TENM3: variants seen among roughly 807,000 people sequenced by gnomAD.
TENM3 encodes teneurin-3.
TENM3 carries 63 observed loss-of-function variants against 255.1 expected under a neutral mutation model. The observed-to-expected ratio is 0.25, with a 90% confidence interval of 0.20 to 0.30. The LOEUF is 0.30. Among genes scored for constraint, TENM3 ranks in the 10% least tolerant of loss-of-function variants. The pLI is 1.00. For synonymous variants in TENM3, 1,306 were observed against 1,322.3 expected, an observed-to-expected ratio of 0.99 and a Z score of 0.27; for missense variants, 2,929 against 3,461.1, an observed-to-expected ratio of 0.85 and a Z score of 3.86.
intron 3 of TENM3, among the ~76,000 whole-genome samples, chr4:182,528,664 G>A (rs1372189398): frequency 6.6e-6 from 1 of 152,144 alleles, no homozygotes; most frequent in Non-Finnish European, 1.5e-5. Flanking sequence ...GTATTACTAT[G>A]AATCACTCAG....
At chr4:182,662,551 A>G (rs1349840072) in intron 6 of TENM3, among the ~76,000 whole-genome samples, 4 of 152,158 alleles carry the variant, frequency 2.6e-5, no homozygotes, top group Non-Finnish European at 4.4e-5. Flanking sequence ...TAAAACCTAC[A>G]GACAACCTTA....
chr4:182,781,539 G>A (rs550028542), intron 24 of TENM3, among the ~76,000 whole-genome samples: 10,238 of 152,174 alleles, frequency 0.067, 483 homozygotes, highest in Middle Eastern at 0.13. Context: ...TCTCTGCCTG[G>A]CTTTGGTATC....
intron 3 of TENM3, among the ~76,000 whole-genome samples, chr4:182,363,520 A>G (rs1766184989): frequency 6.6e-6 from 1 of 152,056 alleles, no homozygotes; most frequent in African/African-American, 2.4e-5. Flanking sequence ...GTTTTGCACT[A>G]GCAATGTTCT....
At chr4:182,180,339 C>T (rs1166598034) in intron 1 of TENM3, among the ~76,000 whole-genome samples, 2 of 152,232 alleles carry the variant, frequency 1.3e-5, no homozygotes, top group Admixed American at 6.5e-5. Flanking sequence ...TTACTTGCCT[C>T]TGTGTTTTTC....
chr4:182,800,449 G>A lies in TENM3; in HGVS notation c.*98G>A, dbSNP rs1424893002. On this transcript the variant is annotated 3_prime_UTR_variant, in exon 28 of 28. Coordinates refer to ENST00000511685, the MANE Select transcript of TENM3 (RefSeq NM_001080477.4). ...TCCAACGCCCAAGAGCCTTCCTCCCGGGGGAATGAGACTGCTGTTACGACC... is the reference window on the plus strand; with the variant it reads ...TCCAACGCCCAAGAGCCTTCCTCCCAGGGGAATGAGACTGCTGTTACGACC... The A allele has an allele frequency of 2.9e-6, 4 of 1,383,336 alleles. No individual in the cohort carries two copies. Among genetic ancestry groups the A allele is most frequent in the Non-Finnish European group, 3.8e-6 (4 of 1,050,700 alleles). 85.7% of individuals were successfully genotyped at this position (1,383,336 alleles called of 1,614,324 possible). A position where few individuals can be genotyped will look rare whatever the true frequency, so the allele number is the denominator to read the frequency against.
At chr4:181,844,669 A>G in the TENM3 span, among the ~76,000 whole-genome samples, 1 of 151,580 alleles carries the variant, frequency 6.6e-6, no homozygotes, top group Admixed American at 6.6e-5. Context: ...CTCCGTCTCA[A>G]AAAAATAAAA....
chr4:182,564,532 A>G (rs752564651), intron 3 of TENM3, among the ~76,000 whole-genome samples: 28 of 147,282 alleles, frequency 1.9e-4, no homozygotes, highest in East Asian at 8.0e-4. Flanking sequence ...AACATTCCCA[A>G]TTCCTTTCTT....
chr4:181,497,015 A>G, the TENM3 span, among the ~76,000 whole-genome samples: 1 of 152,172 alleles, frequency 6.6e-6, no homozygotes, highest in African/African-American at 2.4e-5. Flanking sequence ...CTACACACCC[A>G]CTGAAATGTT....
chr4:182,539,414 G>A (rs1740650630), intron 3 of TENM3, among the ~76,000 whole-genome samples: 1 of 152,120 alleles, frequency 6.6e-6, no homozygotes, highest in Non-Finnish European at 1.5e-5. Flanking sequence ...GAGTGAGCAA[G>A]GAGATGGAGA....
intron 3 of TENM3, among the ~76,000 whole-genome samples, chr4:182,543,162 G>A (rs546089782): frequency 6.6e-6 from 1 of 152,122 alleles, no homozygotes; most frequent in African/African-American, 2.4e-5. Flanking sequence ...GGGATGCATG[G>A]ATGGATGCAT....
intron 6 of TENM3, among the ~76,000 whole-genome samples, chr4:182,663,323 G>T (rs549947606): frequency 3.9e-5 from 6 of 151,924 alleles, no homozygotes; most frequent in African/African-American, 1.4e-4. Context: ...GAGATCATAC[G>T]TTTTAAAAAA....
chr4:182,210,413 T>C (rs1220585161), intron 1 of TENM3, among the ~76,000 whole-genome samples: 1 of 152,246 alleles, frequency 6.6e-6, no homozygotes, highest in East Asian at 1.9e-4. Flanking sequence ...TTACTTATTA[T>C]GCTTCTCTCA....
At chr4:181,616,359 A>G in the TENM3 span, among the ~76,000 whole-genome samples, 36 of 141,570 alleles carry the variant, frequency 2.5e-4, no homozygotes, top group African/African-American at 7.5e-4. Flanking sequence ...GTATGCATAT[A>G]TATCAATAGG....
At chr4:181,890,392 C>T in the TENM3 span, among the ~76,000 whole-genome samples, 1 of 151,456 alleles carries the variant, frequency 6.6e-6, no homozygotes, top group East Asian at 1.9e-4. Context: ...TGTCCTGATG[C>T]AGAAATATTT....
Position 182,442,736 on chromosome 4 carries a change from C to A in TENM3, c.511+95807C>A, listed in dbSNP as rs529672593. Among the ~76,000 whole-genome samples the A allele has an allele frequency of 6.3e-4, 96 of 151,572 alleles. 1 individual carries two copies. The highest frequency in any genetic ancestry group is 1.1e-3 in the Non-Finnish European group (72 of 67,982). On this transcript the variant is annotated intron_variant, in intron 3 of 27. Transcript: ENST00000511685. The stretch of plus-strand genomic sequence containing the variant: ...CCTCCAGACTAACTGGGACTACAGG[C>A]ATATGCCAGCACACTCGACTAATTT...
At chr4:181,832,514 C>T in the TENM3 span, among the ~76,000 whole-genome samples, 3 of 152,170 alleles carry the variant, frequency 2.0e-5, no homozygotes, top group East Asian at 3.9e-4. Context: ...ATCCTCTTAG[C>T]TCTCTCCACC....
intron 3 of TENM3, among the ~76,000 whole-genome samples, chr4:182,592,712 C>CAA (rs5864794): frequency 9.3e-5 from 14 of 151,178 alleles, no homozygotes; most frequent in South Asian, 4.2e-4. Flanking sequence ...AAGACTGTGT[C>CAA]AAAAAAAAAA....
the TENM3 span, among the ~76,000 whole-genome samples, chr4:181,790,553 A>C: frequency 6.6e-6 from 1 of 152,222 alleles, no homozygotes; most frequent in Non-Finnish European, 1.5e-5. Context: ...AGAAAAGAGA[A>C]TAGAAATAGA....
chr4:181,751,412 A>G, the TENM3 span, among the ~76,000 whole-genome samples: 3 of 119,104 alleles, frequency 2.5e-5, no homozygotes, highest in African/African-American at 1.0e-4. Context: ...CAGCCTTCCA[A>G]AGGAAAAAAA....
Sources: gnomAD v4.1 joint callset for allele counts (sites outside exome capture counted in the v4.1 genomes callset) on GRCh38, gnomAD v4.1.1 for gene constraint, MANE v1.5 for transcripts, NCBI Gene and HGNC (gene_info 2026-07-23, HGNC 2026-07-21) for gene names.